The following GRID1 variants were observed in gnomAD, a reference collection of about 807,000 sequenced individuals.
The protein encoded by GRID1 is glutamate ionotropic receptor delta type subunit 1, also known as glutamate receptor ionotropic, delta-1.
Under a neutral mutation model 98.0 loss-of-function variants are expected in GRID1, and 28 were observed. The ratio of observed to expected loss-of-function variants is 0.29; its 90% CI spans 0.21 to 0.39. GRID1 has a LOEUF of 0.39. GRID1 is among the 10% of genes least tolerant of loss of function. GRID1 has a pLI of 1.00. For missense variants in GRID1, 1,111 were observed against 1,340.5 expected (o/e 0.83, Z 2.67); for synonymous variants, 553 against 538.5 (o/e 1.03, Z -0.37).
At chr10:85,816,300 T>C (rs1842715448) in intron 8 of GRID1, among the ~76,000 whole-genome samples, 1 of 152,168 alleles carries the variant, frequency 6.6e-6, no homozygotes, top group African/African-American at 2.4e-5. Flanking sequence ...GTTGAATGGA[T>C]AAACAAACCC....
chr10:85,895,342 G>C (rs371192215), intron 5 of GRID1, among the ~76,000 whole-genome samples: 2 of 151,894 alleles, frequency 1.3e-5, no homozygotes, highest in African/African-American at 4.8e-5. Context: ...ATGTCAGGGT[G>C]GTCCTTCAAA....
intron 10 of GRID1, among the ~76,000 whole-genome samples, chr10:85,725,929 G>A (rs141745218): frequency 9.1e-4 from 138 of 152,292 alleles, no homozygotes; most frequent in East Asian, 2.7e-3. Context: ...ACAATTTTTA[G>A]GATTAGGAAA....
chr10:86,033,101 C>T (rs544175698), intron 4 of GRID1, among the ~76,000 whole-genome samples: 2 of 152,100 alleles, frequency 1.3e-5, no homozygotes, highest in South Asian at 4.1e-4. Flanking sequence ...GAATAGAAGC[C>T]TGGCCCACCC....
chr10:86,135,293 T>C (rs779725020), intron 4 of GRID1, among the ~76,000 whole-genome samples: 4 of 152,152 alleles, frequency 2.6e-5, no homozygotes, highest in Middle Eastern at 3.2e-3. Flanking sequence ...AGTTAGGGTA[T>C]GATTGGAAAG....
intron 2 of GRID1, among the ~76,000 whole-genome samples, chr10:86,309,756 T>C (rs1847807297): frequency 6.6e-6 from 1 of 152,216 alleles, no homozygotes; most frequent in Non-Finnish European, 1.5e-5. Flanking sequence ...ATGGGATCAA[T>C]AGCCTTCAAT....
intron 5 of GRID1, among the ~76,000 whole-genome samples, chr10:85,907,410 C>A (rs1841477809): frequency 6.6e-6 from 1 of 152,156 alleles, no homozygotes; most frequent in African/African-American, 2.4e-5. Context: ...CCATGCCTGG[C>A]CCATACCTAT....
chr10:86,127,360 A>G (rs1446992760), intron 4 of GRID1, among the ~76,000 whole-genome samples: 1 of 152,154 alleles, frequency 6.6e-6, no homozygotes, highest in Non-Finnish European at 1.5e-5. Flanking sequence ...GTAACTCTGC[A>G]GGCAGAAAGC....
At chr10:85,865,843 C>T (rs532767361) in intron 6 of GRID1, among the ~76,000 whole-genome samples, 4 of 148,542 alleles carry the variant, frequency 2.7e-5, no homozygotes, top group South Asian at 2.1e-4. Flanking sequence ...CTCATGATAC[C>T]GCCTTGCAAG....
chr10:85,857,081 G>A (rs891475536), intron 6 of GRID1, among the ~76,000 whole-genome samples: 4 of 152,240 alleles, frequency 2.6e-5, no homozygotes, highest in Admixed American at 1.3e-4. Context: ...CCTGAGTGAC[G>A]AGGTAACAGT....
At chr10:85,629,285 G>A (rs577111722) in intron 13 of GRID1, among the ~76,000 whole-genome samples, 1 of 152,264 alleles carries the variant, frequency 6.6e-6, no homozygotes, top group South Asian at 2.1e-4. Context: ...TTGCATGGAT[G>A]TATTGCATAG....
chr10:85,947,708 G>A (rs140731364), intron 4 of GRID1, among the ~76,000 whole-genome samples: 280 of 152,378 alleles, frequency 1.8e-3, no homozygotes, highest in African/African-American at 6.3e-3. Flanking sequence ...CTGCTGAGAA[G>A]AGAGGATGCT....
chr10:85,847,222 TG>T (rs1843014869), intron 8 of GRID1, among the ~76,000 whole-genome samples: 1 of 152,220 alleles, frequency 6.6e-6, no homozygotes, highest in Admixed American at 6.5e-5. Flanking sequence ...GCTATCTTTC[TG>T]GGTATGACAG....
intron 8 of GRID1, among the ~76,000 whole-genome samples, chr10:85,806,511 A>C (rs765599112): frequency 1.3e-5 from 2 of 152,140 alleles, no homozygotes; most frequent in Non-Finnish European, 2.9e-5. Context: ...TTGCATGTGA[A>C]TGTTCTCAGA....
At chr10:86,099,787 C>T (rs1235262740) in intron 4 of GRID1, among the ~76,000 whole-genome samples, 2 of 152,178 alleles carry the variant, frequency 1.3e-5, no homozygotes, top group Non-Finnish European at 2.9e-5. Flanking sequence ...TCAGAGTCTG[C>T]AGACAGCAGC....
chr10:86,233,404 G>A (rs577338701), intron 2 of GRID1, among the ~76,000 whole-genome samples: 4 of 152,158 alleles, frequency 2.6e-5, no homozygotes, highest in Admixed American at 6.5e-5. Flanking sequence ...TGATGGAGTC[G>A]CAGATGCTAT....
At chr10:85,901,227 T>TTTTATTTTA (rs1554838758) in intron 5 of GRID1, among the ~76,000 whole-genome samples, 57 of 146,338 alleles carry the variant, frequency 3.9e-4, no homozygotes, top group African/African-American at 1.3e-3. Flanking sequence ...TTTTATTTTA[T>TTTTATTTTA]TTTATTTATT....
chr10:86,113,008 C>G (rs1348074768), intron 4 of GRID1, among the ~76,000 whole-genome samples: 4 of 152,176 alleles, frequency 2.6e-5, no homozygotes, highest in South Asian at 2.1e-4. Flanking sequence ...AATGACCCAG[C>G]CTTTGCCAGA....
Position 85,702,865 on chromosome 10 carries a change from AG to A in GRID1, c.1997+20137del, listed in dbSNP as rs777947666. Among the ~76,000 whole-genome samples, 26 of 151,766 alleles carry A rather than the reference AG, an allele frequency of 1.7e-4. 1 individual carries two copies. The highest frequency in any genetic ancestry group is 3.4e-3 in the Middle Eastern group (1 of 294). ...GGCATGTGGTAAGTGAGAAGAAAAA[AG>A]GGGAGGAGAAGGAGAAGGAAAAGAG... On this transcript the variant is annotated intron_variant, in intron 12 of 15. Coordinates refer to ENST00000327946, the MANE Select transcript of GRID1 (RefSeq NM_017551.3).
At chr10:85,936,188 A>T (rs1387550177) in intron 4 of GRID1, among the ~76,000 whole-genome samples, 1 of 152,210 alleles carries the variant, frequency 6.6e-6, no homozygotes, top group Admixed American at 6.5e-5. Context: ...ACTACATCTT[A>T]AAAATTAGAT....
Sources: gnomAD v4.1 joint callset for allele counts (sites outside exome capture counted in the v4.1 genomes callset) on GRCh38, gnomAD v4.1.1 for gene constraint, MANE v1.5 for transcripts, NCBI Gene and HGNC (gene_info 2026-07-23, HGNC 2026-07-21) for gene names.